JARID2: variants seen among roughly 807,000 people sequenced by gnomAD.
The protein encoded by JARID2 is protein Jumonji.
JARID2 carries 21 observed loss-of-function variants against 125.6 expected under a neutral mutation model. That is an observed-to-expected ratio of 0.17 (90% confidence interval 0.12 to 0.24). The LOEUF (loss-of-function observed/expected upper bound fraction) is 0.24. JARID2 is among the 10% of genes least tolerant of loss of function. The pLI is 1.00. For missense variants in JARID2, 1,303 were observed against 1,639.6 expected, an observed-to-expected ratio of 0.79 and a Z score of 3.55; for synonymous variants, 736 against 661.6, an observed-to-expected ratio of 1.11 and a Z score of -1.73.
intron 1 of JARID2, among the ~76,000 whole-genome samples, chr6:15,275,841 C>T (rs914782373): frequency 9.9e-5 from 15 of 151,956 alleles, no homozygotes; most frequent in African/African-American, 4.8e-5. Context: ...GAAGGTACTG[C>T]GTGAAGTGGG....
At chr6:15,332,744 A>T (rs1479555221) in intron 1 of JARID2, among the ~76,000 whole-genome samples, 1 of 151,718 alleles carries the variant, frequency 6.6e-6, no homozygotes, top group East Asian at 1.9e-4. Context: ...TGGAAAGAGA[A>T]CAATTTTTTT....
At chr6:15,455,987 C>CA (rs1768158867) in intron 4 of JARID2, among the ~76,000 whole-genome samples, 1 of 152,196 alleles carries the variant, frequency 6.6e-6, no homozygotes, top group African/African-American at 2.4e-5. Flanking sequence ...ATTAGGATGT[C>CA]TGAAGATTGC....
At chr6:15,465,843 GC>G (rs879753710) in intron 4 of JARID2, among the ~76,000 whole-genome samples, 3 of 151,172 alleles carry the variant, frequency 2.0e-5, no homozygotes, top group Non-Finnish European at 4.4e-5. Flanking sequence ...TTGTTCTGTC[GC>G]CCAGCCTGGA....
intron 1 of JARID2, among the ~76,000 whole-genome samples, chr6:15,302,392 G>A (rs1004777910): frequency 6.6e-6 from 1 of 151,964 alleles, no homozygotes; most frequent in African/African-American, 2.4e-5. Context: ...TCCATCCTGG[G>A]CGACAGAGCG....
intron 1 of JARID2, among the ~76,000 whole-genome samples, chr6:15,369,105 TATC>T (rs569896540): frequency 2.1e-4 from 32 of 152,228 alleles, no homozygotes; most frequent in Non-Finnish European, 3.5e-4. Context: ...CATGTGATGT[TATC>T]ATGTGCTTAC....
intron 7 of JARID2, 137 bp from the exon 8 acceptor site, chr6:15,500,770 T>A: frequency 9.6e-6 from 7 of 732,748 alleles, no homozygotes; most frequent in Middle Eastern, 2.7e-4. Flanking sequence ...GGGAGTCTGC[T>A]GTTCACCACT....
chr6:15,355,301 C>T (rs1359465493), intron 1 of JARID2, among the ~76,000 whole-genome samples: 1 of 152,158 alleles, frequency 6.6e-6, no homozygotes, highest in East Asian at 1.9e-4. Context: ...TATTTTGGAT[C>T]ACTAAGGCTG....
chr6:15,401,068 G>T (rs963528912), intron 2 of JARID2: 5 of 1,289,074 alleles, frequency 3.9e-6, no homozygotes, highest in African/African-American at 1.5e-5. Flanking sequence ...ATTTGTTTCA[G>T]GCTGGTATGG....
chr6:15,461,895 T>C (rs1214344192), intron 4 of JARID2, among the ~76,000 whole-genome samples: 1 of 149,840 alleles, frequency 6.7e-6, no homozygotes, highest in Non-Finnish European at 1.5e-5. Flanking sequence ...TTTTTTTTTT[T>C]GGAAATACCT....
intron 3 of JARID2, among the ~76,000 whole-genome samples, chr6:15,448,337 G>A (rs900368976): frequency 6.6e-6 from 1 of 152,184 alleles, no homozygotes; most frequent in Non-Finnish European, 1.5e-5. Flanking sequence ...TTGAGGTCCT[G>A]AAATTGTAAA....
chr6:15,336,827 T>A (rs1002971781), intron 1 of JARID2, among the ~76,000 whole-genome samples: 2 of 152,080 alleles, frequency 1.3e-5, no homozygotes, highest in African/African-American at 4.8e-5. Flanking sequence ...GGATTACCTG[T>A]GCGAGCCACT....
At chr6:15,400,882 G>T (rs1438592849) in intron 2 of JARID2, 30 of 1,287,664 alleles carry the variant, frequency 2.3e-5, no homozygotes, top group Non-Finnish European at 3.0e-5. Flanking sequence ...CTGCCTCACT[G>T]CGCTCTTCCT....
intron 3 of JARID2, among the ~76,000 whole-genome samples, chr6:15,444,005 CTTAA>C (rs1261748376): frequency 6.6e-6 from 1 of 152,200 alleles, no homozygotes; most frequent in Admixed American, 6.5e-5. Context: ...TCCTATGTAA[CTTAA>C]TTAAGACAAG....
chr6:15,442,332 G>A (rs892902442), intron 3 of JARID2, among the ~76,000 whole-genome samples: 2 of 151,970 alleles, frequency 1.3e-5, no homozygotes, highest in African/African-American at 2.4e-5. Context: ...ATTTTAACTC[G>A]CTCTTCTAGG....
chr6:15,413,866 A>T (rs967055901), intron 3 of JARID2, among the ~76,000 whole-genome samples: 2 of 152,156 alleles, frequency 1.3e-5, no homozygotes, highest in African/African-American at 4.8e-5. Context: ...ACTTCTTAAG[A>T]TCTCACCCTC....
chr6:15,469,178 G>A (rs1768896130), intron 5 of JARID2, among the ~76,000 whole-genome samples: 1 of 151,610 alleles, frequency 6.6e-6, no homozygotes, highest in Non-Finnish European at 1.5e-5. Context: ...AGGATAAAAG[G>A]CAGGAACAAT....
At chr6:15,248,715 A>C (rs989723086) in intron 1 of JARID2, 4 of 163,914 alleles carry the variant, frequency 2.4e-5, no homozygotes, top group Non-Finnish European at 3.8e-5. Flanking sequence ...CGGTTCCCCG[A>C]CGCTCCCGGC....
At chr6:15,310,358 C>T (rs911306958) in intron 1 of JARID2, among the ~76,000 whole-genome samples, 4 of 152,156 alleles carry the variant, frequency 2.6e-5, no homozygotes, top group Admixed American at 6.5e-5. Flanking sequence ...AATGACTAGT[C>T]ACAGTGGAAC....
intron 2 of JARID2, among the ~76,000 whole-genome samples, chr6:15,399,947 C>G (rs543964059): frequency 2.6e-5 from 4 of 152,266 alleles, no homozygotes; most frequent in African/African-American, 9.6e-5. Flanking sequence ...CAAAGAAAGG[C>G]TTCAAGAAAA....
Sources: gnomAD v4.1 joint callset for allele counts (sites outside exome capture counted in the v4.1 genomes callset) on GRCh38, gnomAD v4.1.1 for gene constraint, MANE v1.5 for transcripts, NCBI Gene and HGNC (gene_info 2026-07-23, HGNC 2026-07-21) for gene names.